The following MYOCOS variants were observed in gnomAD, a reference collection of about 807,000 sequenced individuals.
The protein encoded by MYOCOS is myocilin opposite strand protein.
upstream of MYOCOS, among the ~76,000 whole-genome samples, chr1:171,618,534 T>C (rs1172678590): frequency 6.6e-6 from 1 of 152,066 alleles, no homozygotes; most frequent in Non-Finnish European, 1.5e-5. Flanking sequence ...CCCATCCTAT[T>C]CTTTCAAGAG....
At chr1:171,623,098 A>G (rs1427129878) in intron 1 of MYOCOS, among the ~76,000 whole-genome samples, 3 of 152,036 alleles carry the variant, frequency 2.0e-5, no homozygotes, top group Non-Finnish European at 4.4e-5. Flanking sequence ...GCATGGTGGC[A>G]TGCACCTGTA....
At chr1:171,606,134 T>TAGAAA (rs1363570914) in intron 1 of MYOCOS, among the ~76,000 whole-genome samples, 2 of 152,088 alleles carry the variant, frequency 1.3e-5, no homozygotes, top group African/African-American at 4.8e-5. Flanking sequence ...ATAATAGGAG[T>TAGAAA]TATAATAGTA....
At chr1:171,606,396 C>A (rs1258075655) in intron 1 of MYOCOS, among the ~76,000 whole-genome samples, 1 of 152,200 alleles carries the variant, frequency 6.6e-6, no homozygotes, top group Non-Finnish European at 1.5e-5. Context: ...TACTCAGTAC[C>A]TGTTTTAAGA....
upstream of MYOCOS, among the ~76,000 whole-genome samples, chr1:171,619,245 T>C (rs1245197512): frequency 6.6e-6 from 1 of 152,212 alleles, no homozygotes; most frequent in African/African-American, 2.4e-5. Context: ...GGTTTCATTA[T>C]CATCAATGTA....
At chr1:171,615,124 T>C (rs921455218) in intron 2 of MYOCOS, 2 of 152,198 alleles carry the variant, frequency 1.3e-5, no homozygotes, top group Non-Finnish European at 2.9e-5. Flanking sequence ...TAAAAAGCCA[T>C]GGCGAGTTTG....
At chr1:171,603,500 C>T (rs1331848214) in intron 1 of MYOCOS, among the ~76,000 whole-genome samples, 1 of 152,176 alleles carries the variant, frequency 6.6e-6, no homozygotes, top group Non-Finnish European at 1.5e-5. Context: ...AAATACAGAT[C>T]AATTTAAAGC....
intron 1 of MYOCOS, among the ~76,000 whole-genome samples, chr1:171,605,915 A>T (rs1479607489): frequency 6.6e-6 from 1 of 152,202 alleles, no homozygotes; most frequent in Admixed American, 6.5e-5. Flanking sequence ...GCTATCTATC[A>T]AAATAGACCA....
At chr1:171,606,641 CTCAA>C (rs1652248138) in intron 1 of MYOCOS, among the ~76,000 whole-genome samples, 1 of 152,234 alleles carries the variant, frequency 6.6e-6, no homozygotes, top group Non-Finnish European at 1.5e-5. Flanking sequence ...CCCTAGATTG[CTCAA>C]TCAATCACGA....
intron 1 of MYOCOS, among the ~76,000 whole-genome samples, chr1:171,614,417 A>G (rs991826674): frequency 6.6e-6 from 1 of 152,214 alleles, no homozygotes; most frequent in African/African-American, 2.4e-5. Flanking sequence ...CAGTCACAAT[A>G]AAGGCCTCAG....
chr1:171,616,043 C>T (rs1558080924), intron 2 of MYOCOS, among the ~76,000 whole-genome samples: 2 of 150,690 alleles, frequency 1.3e-5, no homozygotes, highest in South Asian at 2.1e-4. Context: ...CGTGGTGAAA[C>T]CTGTCTCTAC....
At chr1:171,621,541 A>G (rs1345589002), upstream of MYOCOS, among the ~76,000 whole-genome samples, 1 of 151,560 alleles carries the variant, frequency 6.6e-6, no homozygotes, top group Non-Finnish European at 1.5e-5. Context: ...ACGCCTGGCT[A>G]ATTTTTTGTA....
Position 171,616,623 on chromosome 1 carries a change from G to T in MYOCOS, c.-44+1618G>T, listed in dbSNP as rs1344315424. Among the ~76,000 whole-genome samples the T allele has an allele frequency of 2.0e-5, 3 of 152,162 alleles. No homozygotes were observed. In the East Asian group the frequency reaches 5.8e-4, roughly 29 times the overall value. ...ACAGGTTTGAAGGAGGTGATCAGGA[G>T]TTCAGTCTTGGACATGTCGAGTTTA... On this transcript the variant is annotated intron_variant, in intron 2 of 3. Transcript: ENST00000636697.
chr1:171,615,875 A>G (rs1652439083), intron 2 of MYOCOS, among the ~76,000 whole-genome samples: 1 of 152,104 alleles, frequency 6.6e-6, no homozygotes, highest in Admixed American at 6.6e-5. Flanking sequence ...AGTGTCTGAG[A>G]GGTTTTGTCT....
chr1:171,624,507 G>A (rs1652652970), intron 2 of MYOCOS, among the ~76,000 whole-genome samples: 1 of 151,794 alleles, frequency 6.6e-6, no homozygotes, highest in Non-Finnish European at 1.5e-5. Context: ...AGCAATCTTG[G>A]CTCACTGCAA....
upstream of MYOCOS, among the ~76,000 whole-genome samples, chr1:171,619,784 C>T (rs942572762): frequency 3.2e-4 from 47 of 148,684 alleles, no homozygotes; most frequent in African/African-American, 1.0e-3. Context: ...TGCAGTGAGC[C>T]GACACCGCTG....
intron 2 of MYOCOS, 92 bp downstream of exon 2, chr1:171,624,070 G>A: frequency 2.5e-6 from 1 of 398,226 alleles, no homozygotes; most frequent in Non-Finnish European, 4.4e-6. Flanking sequence ...AGCTGGCACT[G>A]GTTTATTTAA....
At chr1:171,613,504 CT>C (rs1003565768) in intron 1 of MYOCOS, among the ~76,000 whole-genome samples, 5 of 152,018 alleles carry the variant, frequency 3.3e-5, no homozygotes, top group Non-Finnish European at 5.9e-5. Flanking sequence ...CTCACTTTCT[CT>C]TGGCTTGCTG....
At chr1:171,608,638 G>A (rs1265955581) in intron 1 of MYOCOS, among the ~76,000 whole-genome samples, 1 of 151,884 alleles carries the variant, frequency 6.6e-6, no homozygotes, top group Non-Finnish European at 1.5e-5. Context: ...AGCCAGGATG[G>A]TCTCGATCTC....
At chr1:171,620,769 C>CTTTTTTTTTTTTTTTTTTTTTTTTTT (rs201016150), upstream of MYOCOS, among the ~76,000 whole-genome samples, 1 of 108,184 alleles carries the variant, frequency 9.2e-6, no homozygotes, top group African/African-American at 3.7e-5. Context: ...CTTTCTTTTT[C>CTTTTTTTTTTTTTTTTTTTTTTTTTT]TTTCTTTTTT....
Sources: gnomAD v4.1 joint callset for allele counts (sites outside exome capture counted in the v4.1 genomes callset) on GRCh38, gnomAD v4.1.1 for gene constraint, MANE v1.5 for transcripts, NCBI Gene and HGNC (gene_info 2026-07-23, HGNC 2026-07-21) for gene names.